GPRC5B: variants seen among roughly 807,000 people sequenced by gnomAD.
GPRC5B encodes the protein G protein-coupled receptor family C group 5 member B.
A neutral mutation model predicts 30.1 loss-of-function variants in GPRC5B; 16 were observed. The observed-to-expected ratio is 0.53, with a 90% CI of 0.36 to 0.81. GPRC5B has a LOEUF of 0.81. Among genes scored for constraint, GPRC5B ranks in the 30% least tolerant of loss-of-function variants. GPRC5B has a pLI of 0.01. For missense variants in GPRC5B, 428 were observed against 544.7 expected, an observed-to-expected ratio of 0.79 and a Z score of 2.13; for synonymous variants, 241 against 239.5, an observed-to-expected ratio of 1.01 and a Z score of -0.06.
intron 1 of GPRC5B, among the ~76,000 whole-genome samples, chr16:19,881,401 T>C (rs2056805886): frequency 6.6e-6 from 1 of 151,916 alleles, no homozygotes; most frequent in South Asian, 2.1e-4. Flanking sequence ...ACTGTCTCTA[T>C]TATAAATAAA....
At chr16:19,866,340 TTTTG>T (rs1245269400) in intron 2 of GPRC5B, among the ~76,000 whole-genome samples, 1 of 151,750 alleles carries the variant, frequency 6.6e-6, no homozygotes, top group African/African-American at 2.4e-5. Context: ...TTTAAGAAAT[TTTTG>T]TTTATTATTG....
At position 19,872,969 on chromosome 16, in the gene GPRC5B, C is replaced by A. The variant is rs2056735189; in HGVS notation, c.-1-123G>T. ...TCAAACCTGCAAGCGCACACGGCACCTTTGCACACATAGGAAAACGTGCTC... is the reference window on the plus strand; with the variant it reads ...TCAAACCTGCAAGCGCACACGGCACATTTGCACACATAGGAAAACGTGCTC... On this transcript the variant is annotated intron_variant, in intron 1 of 3. Transcript: ENST00000300571. The surrounding 1 kb of genome is among the most constrained non-coding windows in gnomAD (Gnocchi z 5.0). 6 of 673,418 alleles carry A rather than the reference C, an allele frequency of 8.9e-6. No individual in the cohort carries two copies. In the South Asian group the frequency reaches 9.2e-5, roughly 10 times the overall value. 41.7% of individuals were successfully genotyped at this position (673,418 alleles called of 1,614,324 possible).
rs375016367 is a variant in GPRC5B, at chr16:19,860,112, G to GC, written c.*387dup. On this transcript the variant is annotated 3_prime_UTR_variant, in exon 4 of 4. Transcript: ENST00000300571. ...CTGGGGAGAGGTGATAAGAGTGGGA[G>GC]CCCCCCACCTCCAACCAACACCAGT... 1.8e-3 allele frequency: 343 copies of GC among 189,420 alleles called. 1 individual carries two copies. The highest frequency in any genetic ancestry group is 7.2e-3 in the African/African-American group (305 of 42,196). 11.7% of individuals were successfully genotyped at this position (189,420 alleles called of 1,614,324 possible). A position where few individuals can be genotyped will look rare whatever the true frequency, so the allele number is the denominator to read the frequency against.
chr16:19,874,688 T>C (rs1231243417), intron 1 of GPRC5B: 4 of 152,286 alleles, frequency 2.6e-5, no homozygotes, highest in Non-Finnish European at 5.9e-5. Flanking sequence ...CAACCCAAAA[T>C]GTCTCTAGAC....
chr16:19,871,818 G>A lies in GPRC5B; in HGVS notation c.1028C>T (p.Ala343Val). 1 of 1,611,874 alleles carries A rather than the reference G, an allele frequency of 6.2e-7. No homozygotes were observed. The highest frequency in any genetic ancestry group is 8.5e-7 in the Non-Finnish European group (1 of 1,178,416). Residue 343 changes from alanine (A) to valine (V), a missense_variant and splice_region_variant, in exon 2 of 4, where the codon GCA (alanine) becomes GTA (valine). Transcript: ENST00000300571. ...NKAFSMDEHN[A>V]ALRTAGFPNG... is the part of the protein sequence containing the mutation. ...CAGCCGGGTGGTGCCCACTTTACCT[G>A]CATTGTGTTCATCCATGGAGAAGGC...
intron 2 of GPRC5B, among the ~76,000 whole-genome samples, chr16:19,866,980 C>CTT: frequency 6.6e-6 from 1 of 152,342 alleles, no homozygotes; most frequent in African/African-American, 2.4e-5. Context: ...GCTATAAAGT[C>CTT]TTGGCTGCAT....
chr16:19,885,455 C>T (rs763484037), upstream of GPRC5B: 156 of 1,136,044 alleles, frequency 1.4e-4, no homozygotes, highest in Non-Finnish European at 1.7e-4. The surrounding 1 kb of genome is among the most constrained non-coding windows in gnomAD (Gnocchi z 5.3). Flanking sequence ...CCTCACTGCC[C>T]AACTCCCAGA....
chr16:19,884,322 C>T (rs927293831), intron 1 of GPRC5B, among the ~76,000 whole-genome samples: 2 of 151,424 alleles, frequency 1.3e-5, no homozygotes. Flanking sequence ...ACAGTCAGCC[C>T]CCAACGCGGC....
chr16:19,875,673 G>A (rs1483320459), intron 1 of GPRC5B, among the ~76,000 whole-genome samples: 1 of 152,112 alleles, frequency 6.6e-6, no homozygotes, highest in African/African-American at 2.4e-5. Flanking sequence ...CAGCTACTTG[G>A]GAGGCTGAGG....
Position 19,872,123 on chromosome 16 carries a change from G to C in GPRC5B, c.723C>G (p.Phe241Leu). Reference sequence around the variant, plus strand: ...AGGCCACCCAGATGAGCACAGAGAGGAAGGCTGTGATGAGGAGGAAGGCCC... The same window carrying C: ...AGGCCACCCAGATGAGCACAGAGAGCAAGGCTGTGATGAGGAGGAAGGCCC... ...LNGAFLLITA[F>L]LSVLIWVAWM... The change falls in exon 2 of 4, where the codon TTC (phenylalanine) becomes TTG (leucine). Residue 241 changes from phenylalanine (F) to leucine (L), a missense_variant. Phe to Leu is a conservative substitution (Grantham distance 22, BLOSUM62 0). Around this residue, in one of 3 missense-constraint regions of GPRC5B, gnomAD observed 213 missense variants for 229.1 expected, o/e 0.93. Coordinates refer to ENST00000300571, the MANE Select transcript of GPRC5B (RefSeq NM_016235.3). This position sits in a 1 kb window ranked among gnomAD's most constrained non-coding sequence, Gnocchi z 5.0. 1 of 1,614,100 alleles carries C rather than the reference G, an allele frequency of 6.2e-7. No individual in the cohort carries two copies. Among genetic ancestry groups the C allele is most frequent in the African/African-American group, 1.3e-5 (1 of 75,038 alleles).
chr16:19,884,293 G>A (rs538366747), intron 1 of GPRC5B, among the ~76,000 whole-genome samples: 2 of 141,984 alleles, frequency 1.4e-5, no homozygotes, highest in South Asian at 4.6e-4. Flanking sequence ...TTGTGCCCCC[G>A]GCTGCGTCTG....
At chr16:19,884,090 C>CCCCCCCCCTTT (rs2056831138) in intron 1 of GPRC5B, among the ~76,000 whole-genome samples, 1 of 140,782 alleles carries the variant, frequency 7.1e-6, no homozygotes, top group Non-Finnish European at 1.6e-5. Context: ...ACTGCCCCCC[C>CCCCCCCCCTTT]CGCCATTGTA....
chr16:19,861,087 T>TTAAGAAAAAAAA (rs569493402), intron 3 of GPRC5B, among the ~76,000 whole-genome samples: 1 of 93,404 alleles, frequency 1.1e-5, no homozygotes, highest in East Asian at 4.1e-4. Flanking sequence ...CTGATTTACA[T>TTAAGAAAAAAAA]AAAAAAAAAA....
chr16:19,857,470 C>CG lies in GPRC5B; in HGVS notation c.*3029dup. 1 of 437,454 alleles carries CG rather than the reference C, an allele frequency of 2.3e-6. No individual in the cohort carries two copies. Among genetic ancestry groups the CG allele is most frequent in the African/African-American group, 2.1e-5 (1 of 48,620 alleles). 27.1% of individuals were successfully genotyped at this position (437,454 alleles called of 1,614,324 possible). ...TTTTTATAAGTATGCAACAGTCAGC[C>CG]GGGGGAAGATAAAGGTACATTATAA... is the stretch of plus-strand genomic sequence containing the variant. On this transcript the variant is annotated 3_prime_UTR_variant, in exon 4 of 4. Coordinates refer to ENST00000300571, the MANE Select transcript of GPRC5B (RefSeq NM_016235.3).
intron 2 of GPRC5B, among the ~76,000 whole-genome samples, chr16:19,868,382 A>G (rs913391859): frequency 1.3e-5 from 2 of 152,266 alleles, no homozygotes; most frequent in Middle Eastern, 3.4e-3. Flanking sequence ...TCAAGAAAAA[A>G]AAAAGAAAGA....
In GPRC5B at chr16:19,860,479, T is replaced by A; in HGVS notation, c.*21A>T. On this transcript the variant is annotated 3_prime_UTR_variant, in exon 4 of 4. Coordinates refer to ENST00000300571, the MANE Select transcript of GPRC5B (RefSeq NM_016235.3). ...GGCAAATCGGTAAGAGAAATTCTGATTCTCTGGAACTTAAAGTCTTTCACC... is the reference window on the plus strand; with the variant it reads ...GGCAAATCGGTAAGAGAAATTCTGAATCTCTGGAACTTAAAGTCTTTCACC... 6.6e-7 allele frequency: 1 copy of A among 1,522,164 alleles called. No homozygotes were observed. The highest frequency in any genetic ancestry group is 9.1e-7 in the Non-Finnish European group (1 of 1,096,898). The allele number at this position is 1,522,164 out of a possible 1,614,324, so 94.3% of individuals were successfully genotyped here.
intron 1 of GPRC5B, among the ~76,000 whole-genome samples, chr16:19,878,437 C>A (rs1355267997): frequency 6.6e-6 from 1 of 151,930 alleles, no homozygotes; most frequent in African/African-American, 2.4e-5. Flanking sequence ...TCCCAGGTAG[C>A]TGAGATCACA....
intron 2 of GPRC5B, among the ~76,000 whole-genome samples, chr16:19,862,841 C>T (rs760012308): frequency 5.3e-5 from 8 of 152,156 alleles, no homozygotes; most frequent in Non-Finnish European, 1.0e-4. Flanking sequence ...CGCTTGAACC[C>T]GGGAGGTTAA....
chr16:19,858,593 G>A lies in GPRC5B; in HGVS notation c.*1907C>T, dbSNP rs1333851710. 4 of 607,500 alleles carry A rather than the reference G, an allele frequency of 6.6e-6. No individual in the cohort carries two copies. Among genetic ancestry groups the A allele is most frequent in the Non-Finnish European group, 8.9e-6 (3 of 335,484 alleles). 37.6% of individuals were successfully genotyped at this position (607,500 alleles called of 1,614,324 possible). On this transcript the variant is annotated 3_prime_UTR_variant, in exon 4 of 4. Coordinates refer to ENST00000300571, the MANE Select transcript of GPRC5B (RefSeq NM_016235.3). ...TGTCGTTTTTTCACCGGACAGGACC[G>A]AGGTGTTTGAAGATTTCTTTCTTTT...
Sources: allele counts gnomAD v4.1 joint callset (sites outside exome capture counted in the v4.1 genomes callset), GRCh38; gene constraint gnomAD v4.1.1; regional missense constraint gnomAD v4.1.1; non-coding constraint Gnocchi (gnomAD v3.1); transcripts MANE v1.5; gene names NCBI Gene and HGNC (gene_info 2026-07-23, HGNC 2026-07-21).